GALNT11: variants seen among roughly 807,000 people sequenced by gnomAD.
GALNT11 encodes the protein polypeptide N-acetylgalactosaminyltransferase 11.
GALNT11 carries 47 observed loss-of-function variants against 72.7 expected under a neutral mutation model. The observed-to-expected ratio is 0.65, with a 90% CI of 0.51 to 0.82. The LOEUF is 0.82. Ranked by LOEUF, GALNT11 falls within the 40% of genes least tolerant of loss-of-function variation. The pLI is 0.00. For synonymous variants in GALNT11, 270 were observed against 286.6 expected (o/e 0.94, Z 0.58); for missense variants, 677 against 778.4 (o/e 0.87, Z 1.55).
chr7:152,064,024 G>T (rs527353781), intron 1 of GALNT11, among the ~76,000 whole-genome samples: 5 of 152,102 alleles, frequency 3.3e-5, no homozygotes, highest in African/African-American at 1.2e-4. Context: ...TGTGAACTTT[G>T]TGTCTCATCG....
intron 1 of GALNT11, among the ~76,000 whole-genome samples, chr7:152,052,255 C>T (rs971267266): frequency 2.6e-5 from 4 of 151,908 alleles, no homozygotes; most frequent in African/African-American, 7.3e-5. Context: ...TCCATTCATC[C>T]CCTAGGATAT....
chr7:152,078,002 G>A (rs2085083971), intron 1 of GALNT11, among the ~76,000 whole-genome samples: 1 of 151,822 alleles, frequency 6.6e-6, no homozygotes, highest in South Asian at 2.1e-4. Context: ...TAGCCAAAAT[G>A]GAGGATTCAG....
intron 1 of GALNT11, among the ~76,000 whole-genome samples, chr7:152,044,384 C>T (rs2083017671): frequency 6.6e-6 from 1 of 152,162 alleles, no homozygotes; most frequent in Non-Finnish European, 1.5e-5. Context: ...CCTGGGTGGG[C>T]CAGGTGTTCC....
chr7:152,029,382 G>A (rs965927119), intron 1 of GALNT11, among the ~76,000 whole-genome samples: 4 of 152,194 alleles, frequency 2.6e-5, no homozygotes, highest in African/African-American at 7.2e-5. Context: ...AACCCTATAG[G>A]TAGGGGTATT....
At chr7:152,037,826 T>C (rs1358739213) in intron 1 of GALNT11, among the ~76,000 whole-genome samples, 1 of 152,102 alleles carries the variant, frequency 6.6e-6, no homozygotes, top group Non-Finnish European at 1.5e-5. Flanking sequence ...TGGAGTGCAC[T>C]GCTGTGATCT....
chr7:152,025,691 G>C lies in GALNT11; in HGVS notation c.-232G>C, dbSNP rs1258830473. The C allele has an allele frequency of 6.6e-6, 1 of 150,578 alleles. No individual in the cohort carries two copies. The highest frequency in any genetic ancestry group is 1.5e-5 in the Non-Finnish European group (1 of 67,580). The allele number at this position is 150,578 out of a possible 1,614,324, so 9.3% of individuals were successfully genotyped here. A position where few individuals can be genotyped will look rare whatever the true frequency, so the allele number is the denominator to read the frequency against. The stretch of plus-strand genomic sequence containing the variant: ...GGCGCTGGGCGGAGGCAGCGGCTCG[G>C]GGACTGGGCGAGGGCCCTGGGCCTG... On this transcript the variant is annotated 5_prime_UTR_variant, in exon 1 of 12. Transcript: ENST00000430044.
chr7:152,077,573 C>T (rs932593269), intron 1 of GALNT11, among the ~76,000 whole-genome samples: 5 of 152,106 alleles, frequency 3.3e-5, no homozygotes, highest in African/African-American at 1.2e-4. Context: ...GACTGAAGCT[C>T]CATGGGGTCA....
intron 5 of GALNT11, among the ~76,000 whole-genome samples, chr7:152,106,893 C>T (rs192281971): frequency 5.2e-4 from 79 of 152,244 alleles, no homozygotes; most frequent in African/African-American, 1.6e-3. Flanking sequence ...TCCATTTTCT[C>T]CTCGAAGCAA....
Position 152,077,272 on chromosome 7 carries a change from A to G in GALNT11, c.-38-16918A>G, listed in dbSNP as rs2085043545. Among the ~76,000 whole-genome samples the G allele has an allele frequency of 2.0e-5, 3 of 152,206 alleles. No individual in the cohort carries two copies. The South Asian group carries it at 6.2e-4, about 32-fold the overall frequency. The stretch of plus-strand genomic sequence containing the variant: ...ATACTTTTCTGAAAAGCATCAAGGA[A>G]TTTACAACATAGTAAAGAATTACTG... On this transcript the variant is annotated intron_variant, in intron 1 of 11. Transcript: ENST00000430044.
intron 5 of GALNT11, 49 bp downstream of exon 5, chr7:152,105,419 T>G: frequency 6.3e-7 from 1 of 1,588,048 alleles, no homozygotes; most frequent in South Asian, 1.2e-5. Context: ...TGACAAGGGC[T>G]CGAGCCTCAG....
chr7:152,055,564 T>C (rs986413901), intron 1 of GALNT11, among the ~76,000 whole-genome samples: 4 of 142,830 alleles, frequency 2.8e-5, no homozygotes, highest in African/African-American at 1.1e-4. Context: ...TGTGTGTGTG[T>C]GTGTATATAT....
rs958641133 is a variant in GALNT11, at chr7:152,098,469, T to C, written c.296-2329T>C. The stretch of plus-strand genomic sequence containing the variant: ...ATAAATAAATTTAAAATTAAAAACA[T>C]TTTCTCATTTAATCTGAAATTAATT... On this transcript the variant is annotated intron_variant, in intron 2 of 11. Transcript: ENST00000430044. Among the ~76,000 whole-genome samples the C allele has an allele frequency of 2.0e-5, 3 of 152,060 alleles. No homozygotes were observed. In the South Asian group the frequency reaches 6.2e-4, roughly 32 times the overall value.
At chr7:152,103,057 C>A (rs1272319221) in intron 3 of GALNT11, 55 bp from the exon 4 acceptor site, 3 of 1,501,902 alleles carry the variant, frequency 2.0e-6, no homozygotes, top group Admixed American at 3.4e-5. Context: ...GAATAATAAT[C>A]TAAACCATTC....
At chr7:152,116,538 C>T (rs754194316) in intron 8 of GALNT11, among the ~76,000 whole-genome samples, 1 of 152,046 alleles carries the variant, frequency 6.6e-6, no homozygotes, top group Non-Finnish European at 1.5e-5. Flanking sequence ...TGCGCCTGGC[C>T]GATAGACCAG....
intron 1 of GALNT11, among the ~76,000 whole-genome samples, chr7:152,092,429 A>G (rs966139354): frequency 6.6e-6 from 1 of 152,126 alleles, no homozygotes; most frequent in Non-Finnish European, 1.5e-5. Flanking sequence ...CAGCGCTTTC[A>G]CTGGCGCCTG....
intron 1 of GALNT11, among the ~76,000 whole-genome samples, chr7:152,085,571 C>CT (rs1265268968): frequency 2.1e-5 from 3 of 142,250 alleles, no homozygotes; most frequent in Non-Finnish European, 4.4e-5. Context: ...TGTGTAGATA[C>CT]TAGATTCATC....
In GALNT11 at chr7:152,067,367, A is replaced by G. The variant is rs74868200; in HGVS notation, c.-38-26823A>G. On this transcript the variant is annotated intron_variant, in intron 1 of 11. Coordinates refer to ENST00000430044, the MANE Select transcript of GALNT11 (RefSeq NM_022087.4). ...CCCACCCTTGAGGGCGAAGTGTCTAAATTATTTGGAATTCTGTGTGGAGAT... is the reference window on the plus strand; with the variant it reads ...CCCACCCTTGAGGGCGAAGTGTCTAGATTATTTGGAATTCTGTGTGGAGAT... Among the ~76,000 whole-genome samples the G allele has an allele frequency of 5.5e-3, 834 of 152,252 alleles. 8 individuals carry two copies. Among genetic ancestry groups the G allele is most frequent in the African/African-American group, 0.019 (801 of 41,530 alleles).
chr7:152,031,453 G>C (rs575438069), intron 1 of GALNT11, among the ~76,000 whole-genome samples: 3 of 152,334 alleles, frequency 2.0e-5, no homozygotes, highest in Admixed American at 2.0e-4. Flanking sequence ...TATCTAAGTA[G>C]GTGGTTGTCT....
At chr7:152,084,784 G>T (rs138999256) in intron 1 of GALNT11, among the ~76,000 whole-genome samples, 1 of 152,114 alleles carries the variant, frequency 6.6e-6, no homozygotes, top group Non-Finnish European at 1.5e-5. Flanking sequence ...AATACTAAGC[G>T]CTATGCTAAA....
Sources: gnomAD v4.1 joint callset for allele counts (sites outside exome capture counted in the v4.1 genomes callset) on GRCh38, gnomAD v4.1.1 for gene constraint, MANE v1.5 for transcripts, NCBI Gene and HGNC (gene_info 2026-07-23, HGNC 2026-07-21) for gene names.